PDE9A: variants seen among roughly 807,000 people sequenced by gnomAD.
The protein encoded by PDE9A is phosphodiesterase 9A, also known as high affinity cGMP-specific 3',5'-cyclic phosphodiesterase 9A.
Under a neutral mutation model 87.4 loss-of-function variants are expected in PDE9A, and 60 were observed. The observed-to-expected ratio is 0.69, with a 90% CI of 0.56 to 0.85. The LOEUF is 0.85. Ranked by LOEUF, PDE9A falls within the 40% of genes least tolerant of loss-of-function variation. The probability of loss-of-function intolerance (pLI) is 0.00; values close to 1 mark genes in which losing one functional copy is unlikely to be tolerated. For synonymous variants in PDE9A, 272 were observed against 279.4 expected, an observed-to-expected ratio of 0.97 and a Z score of 0.27; for missense variants, 665 against 779.0, an observed-to-expected ratio of 0.85 and a Z score of 1.74.
At chr21:42,773,791 A>G (rs1480437655) in intron 19 of PDE9A, among the ~76,000 whole-genome samples, 2 of 150,858 alleles carry the variant, frequency 1.3e-5, no homozygotes, top group Non-Finnish European at 2.9e-5. Context: ...ACAGAGCGAG[A>G]CTTCGTCTCA....
chr21:42,772,384 C>T, intron 18 of PDE9A, 55 bp from the exon 19 acceptor site: 1 of 1,169,514 alleles, frequency 8.6e-7, no homozygotes, highest in Non-Finnish European at 1.3e-6. Context: ...GAGAGGCAGA[C>T]ACTCCCCTGC....
chr21:42,763,337 T>C (rs2056018613), intron 14 of PDE9A, among the ~76,000 whole-genome samples: 1 of 152,156 alleles, frequency 6.6e-6, no homozygotes, highest in African/African-American at 2.4e-5. Flanking sequence ...TCAGTGTGGA[T>C]TGTCTAAGGG....
chr21:42,667,742 C>G (rs996658381), intron 1 of PDE9A, among the ~76,000 whole-genome samples: 1 of 152,066 alleles, frequency 6.6e-6, no homozygotes, highest in Non-Finnish European at 1.5e-5. Context: ...GCCACCACTT[C>G]CCTAGAAACC....
rs940277507 is a variant in PDE9A, at chr21:42,660,240, C to T, written c.69+6357C>T. On this transcript the variant is annotated intron_variant, in intron 1 of 19. Coordinates refer to ENST00000291539, the MANE Select transcript of PDE9A (RefSeq NM_002606.3). This position sits in a 1 kb window ranked among gnomAD's most constrained non-coding sequence, Gnocchi z 4.7. ...CCCCCAGAGACCAGACGGCACAGCC[C>T]GATAGCTGGGCCTGCCCCAGACAAA... is the stretch of plus-strand genomic sequence containing the variant. 2.0e-5 allele frequency among the ~76,000 whole-genome samples: 3 copies of T among 152,184 alleles called. No individual in the cohort carries two copies. The highest frequency in any genetic ancestry group is 2.0e-4 in the Admixed American group (3 of 15,284).
At chr21:42,706,557 A>G (rs908031831) in intron 4 of PDE9A, among the ~76,000 whole-genome samples, 2 of 152,052 alleles carry the variant, frequency 1.3e-5, no homozygotes, top group African/African-American at 4.8e-5. Context: ...AGGCAGGAGA[A>G]TCGCTTGAAC....
At chr21:42,729,123 T>G (rs1205426004) in intron 4 of PDE9A, among the ~76,000 whole-genome samples, 1 of 152,242 alleles carries the variant, frequency 6.6e-6, no homozygotes, top group Non-Finnish European at 1.5e-5. Context: ...AGAACCATCT[T>G]GGCCTGGACA....
chr21:42,769,711 T>C (rs1346524415), intron 17 of PDE9A, among the ~76,000 whole-genome samples: 2 of 137,044 alleles, frequency 1.5e-5, no homozygotes, highest in African/African-American at 5.8e-5. Context: ...TGCACACAGG[T>C]ACACGCAGGC....
chr21:42,737,071 C>T (rs1745620673), intron 7 of PDE9A, among the ~76,000 whole-genome samples: 1 of 152,228 alleles, frequency 6.6e-6, no homozygotes, highest in Non-Finnish European at 1.5e-5. Flanking sequence ...GCAGCTGAAC[C>T]TCTCACGCAG....
In PDE9A at chr21:42,760,484, AG is replaced by A. The variant is rs751587379; in HGVS notation, c.1002+54del. On this transcript the variant is annotated intron_variant, in intron 12 of 19. Transcript: ENST00000291539. This position sits in a 1 kb window ranked among gnomAD's most constrained non-coding sequence, Gnocchi z 5.2. ...ACCTCTACTCTCGGGGGTCAGACGG[AG>A]GCCCCCTTCCAGGGAGCGGCAGCCC... 49 of 1,141,234 alleles carry A rather than the reference AG, an allele frequency of 4.3e-5. No homozygotes were observed. Among genetic ancestry groups the A allele is most frequent in the Non-Finnish European group, 6.2e-5 (48 of 779,296 alleles). 70.7% of individuals were successfully genotyped at this position (1,141,234 alleles called of 1,614,324 possible). A position where few individuals can be genotyped will look rare whatever the true frequency, so the allele number is the denominator to read the frequency against.
chr21:42,708,653 C>T (rs950226253), intron 4 of PDE9A, among the ~76,000 whole-genome samples: 2 of 152,216 alleles, frequency 1.3e-5, no homozygotes, highest in African/African-American at 4.8e-5. Flanking sequence ...CTCCTGGGTT[C>T]AAGCAATTAT....
At chr21:42,731,980 A>G (rs761986007) in intron 5 of PDE9A, 31 bp downstream of exon 5, 1 of 1,611,494 alleles carries the variant, frequency 6.2e-7, no homozygotes, top group Non-Finnish European at 8.5e-7. Context: ...CACAGCCTCC[A>G]CCCCCCAACA....
At position 42,704,842 on chromosome 21, in the gene PDE9A, A is replaced by G. The variant is rs2048692312; in HGVS notation, c.262+5831A>G. On this transcript the variant is annotated intron_variant, in intron 4 of 19. Transcript: ENST00000291539. This position sits in a 1 kb window ranked among gnomAD's most constrained non-coding sequence, Gnocchi z 5.3. Reference sequence around the variant, plus strand: ...GGCCCTGGGTTCCTCACTGATTCTCAGCAGGTTTCAGTAAATGCCTCTAAC... The same window carrying G: ...GGCCCTGGGTTCCTCACTGATTCTCGGCAGGTTTCAGTAAATGCCTCTAAC... Among the ~76,000 whole-genome samples, 1 of 152,258 alleles carries G rather than the reference A, an allele frequency of 6.6e-6. No homozygotes were observed. Among genetic ancestry groups the G allele is most frequent in the African/African-American group, 2.4e-5 (1 of 41,474 alleles).
rs1253147607 is a variant in PDE9A at position 42,723,676 on chromosome 21, T to G, written c.263-8094T>G. Among the ~76,000 whole-genome samples the G allele has an allele frequency of 6.6e-6, 1 of 152,206 alleles. No homozygotes were observed. The highest frequency in any genetic ancestry group is 1.5e-5 in the Non-Finnish European group (1 of 68,046). Reference sequence around the variant, plus strand: ...TCCTTTGGAGAACATGTGAGTTGTCTGTGAATATCAGCTTGCTCTCCCTAG... The same window carrying G: ...TCCTTTGGAGAACATGTGAGTTGTCGGTGAATATCAGCTTGCTCTCCCTAG... On this transcript the variant is annotated intron_variant, in intron 4 of 19. Transcript: ENST00000291539. The surrounding 1 kb of genome is among the most constrained non-coding windows in gnomAD (Gnocchi z 4.3).
chr21:42,724,707 C>T lies in PDE9A; in HGVS notation c.263-7063C>T, dbSNP rs2050866307. The T allele has an allele frequency of 1.0e-5, 5 of 500,316 alleles. No homozygotes were observed. The South Asian group carries it at 3.4e-4, about 34-fold the overall frequency. The allele number at this position is 500,316 out of a possible 1,614,324, so 31.0% of individuals were successfully genotyped here. A position where few individuals can be genotyped will look rare whatever the true frequency, so the allele number is the denominator to read the frequency against. Reference sequence around the variant, plus strand: ...GCGCAGCTTTGTGTCTGTACCCTTCCTGAGAATAGCTGACATGCTGGCCTG... The same window carrying T: ...GCGCAGCTTTGTGTCTGTACCCTTCTTGAGAATAGCTGACATGCTGGCCTG... On this transcript the variant is annotated intron_variant, in intron 4 of 19. Coordinates refer to ENST00000291539, the MANE Select transcript of PDE9A (RefSeq NM_002606.3).
intron 4 of PDE9A, among the ~76,000 whole-genome samples, chr21:42,703,499 C>T (rs1238181326): frequency 6.6e-6 from 1 of 152,222 alleles, no homozygotes; most frequent in Non-Finnish European, 1.5e-5. Flanking sequence ...CTGCAGGGCT[C>T]TCGCAGGCCA....
At chr21:42,683,540 G>A (rs2059283051) in intron 1 of PDE9A, among the ~76,000 whole-genome samples, 1 of 152,124 alleles carries the variant, frequency 6.6e-6, no homozygotes, top group Non-Finnish European at 1.5e-5. Flanking sequence ...AGCAGTCAAG[G>A]ATCCCCCCAG....
intron 8 of PDE9A, among the ~76,000 whole-genome samples, chr21:42,749,313 C>T (rs562952616): frequency 6.6e-6 from 1 of 152,200 alleles, no homozygotes; most frequent in African/African-American, 2.4e-5. Flanking sequence ...GAATGTCACA[C>T]AAGCCAGGCG....
intron 19 of PDE9A, among the ~76,000 whole-genome samples, chr21:42,774,325 G>A (rs967547380): frequency 9.2e-5 from 14 of 152,102 alleles, no homozygotes; most frequent in East Asian, 1.9e-4. Context: ...ATTACAAGCC[G>A]AGAGATGTGC....
At chr21:42,728,727 C>G (rs1180126819) in intron 4 of PDE9A, among the ~76,000 whole-genome samples, 1 of 152,098 alleles carries the variant, frequency 6.6e-6, no homozygotes, top group East Asian at 1.9e-4. Flanking sequence ...GGCCCAGGTG[C>G]AGTGGCTCAC....
Sources: gnomAD v4.1 joint callset for allele counts (sites outside exome capture counted in the v4.1 genomes callset) on GRCh38, gnomAD v4.1.1 for gene constraint, Gnocchi (gnomAD v3.1) non-coding constraint, MANE v1.5 for transcripts, NCBI Gene and HGNC (gene_info 2026-07-23, HGNC 2026-07-21) for gene names.